The following PRKN variants were observed in gnomAD, a reference collection of about 807,000 sequenced individuals.
PRKN encodes the protein parkin RBR E3 ubiquitin protein ligase.
PRKN carries 56 observed loss-of-function variants against 59.5 expected under a neutral mutation model. That is an observed-to-expected ratio of 0.94 (90% CI 0.76 to 1.18). The LOEUF (loss-of-function observed/expected upper bound fraction) is 1.18. Among genes scored for constraint, PRKN ranks in the 50% most tolerant of loss-of-function variants. The probability of loss-of-function intolerance (pLI) is 0.00; values close to 1 mark genes in which losing one functional copy is unlikely to be tolerated. For missense variants in PRKN, 657 were observed against 596.4 expected (o/e 1.10, Z -1.06); for synonymous variants, 250 against 222.1 (o/e 1.13, Z -1.12).
At chr6:161,680,776 T>TATATATATATA (rs1491495272) in intron 7 of PRKN, among the ~76,000 whole-genome samples, 15 of 18,888 alleles carry the variant, frequency 7.9e-4, no homozygotes, top group Admixed American at 2.2e-3. Flanking sequence ...TATATATATA[T>TATATATATATA]TTTTTTTTTT....
At chr6:161,802,655 A>G (rs910909920) in intron 6 of PRKN, among the ~76,000 whole-genome samples, 2 of 152,162 alleles carry the variant, frequency 1.3e-5, no homozygotes, top group African/African-American at 4.8e-5. Context: ...CTGCTCATGT[A>G]AAACGGTGGT....
At chr6:162,344,381 G>A (rs1784310912) in intron 2 of PRKN, among the ~76,000 whole-genome samples, 1 of 152,052 alleles carries the variant, frequency 6.6e-6, no homozygotes, top group South Asian at 2.1e-4. Flanking sequence ...GTGGTGATTT[G>A]GAGGCATTAT....
Position 162,438,894 on chromosome 6 carries a change from C to T in PRKN, c.171+4416G>A, listed in dbSNP as rs1481724713. ...GAGCATTTGCCCACCATTATCTTCT[C>T]CTTCCAGGAATCCCCTGACACAAAC... On this transcript the variant is annotated intron_variant, in intron 2 of 11. Coordinates refer to ENST00000366898, the MANE Select transcript of PRKN (RefSeq NM_004562.3). Among the ~76,000 whole-genome samples the T allele has an allele frequency of 6.6e-5, 10 of 151,976 alleles. 1 individual carries two copies. The East Asian group carries it at 1.6e-3, about 24-fold the overall frequency.
At chr6:162,003,687 T>C (rs185937733) in intron 5 of PRKN, among the ~76,000 whole-genome samples, 160 of 152,306 alleles carry the variant, frequency 1.1e-3, no homozygotes, top group African/African-American at 3.7e-3. Context: ...ATAACTTGTT[T>C]ATGCATTGAC....
At chr6:161,885,684 G>A (rs9456722) in intron 6 of PRKN, among the ~76,000 whole-genome samples, 1,643 of 103,962 alleles carry the variant, frequency 0.016, 56 homozygotes, top group African/African-American at 0.072. Context: ...AAAAAAAAAA[G>A]AATGTCTGAG....
At chr6:162,449,800 T>C (rs1046152850) in intron 1 of PRKN, among the ~76,000 whole-genome samples, 4 of 152,074 alleles carry the variant, frequency 2.6e-5, no homozygotes, top group Non-Finnish European at 4.4e-5. Flanking sequence ...TCAACCCTCC[T>C]GCAAAAAAAC....
intron 5 of PRKN, among the ~76,000 whole-genome samples, chr6:162,017,293 T>C (rs982872641): frequency 2.0e-5 from 3 of 152,172 alleles, no homozygotes; most frequent in Non-Finnish European, 2.9e-5. Flanking sequence ...TAGCATTAAA[T>C]GTTTGCTAAT....
intron 2 of PRKN, among the ~76,000 whole-genome samples, chr6:162,368,550 C>T (rs796924303): frequency 5.9e-5 from 9 of 152,194 alleles, no homozygotes; most frequent in African/African-American, 2.2e-4. Flanking sequence ...CGAGTCAGCA[C>T]GAATCCCAAA....
chr6:162,081,510 GT>G (rs895064351), intron 4 of PRKN, among the ~76,000 whole-genome samples: 4 of 152,062 alleles, frequency 2.6e-5, no homozygotes, highest in Non-Finnish European at 4.4e-5. Flanking sequence ...TGAAAGGAAT[GT>G]TTTTTCCCGA....
At chr6:161,779,404 CTTTCT>C (rs937571370) in intron 7 of PRKN, among the ~76,000 whole-genome samples, 4 of 125,610 alleles carry the variant, frequency 3.2e-5, no homozygotes, top group African/African-American at 5.8e-5. Flanking sequence ...CTTTCCTTTC[CTTTCT>C]TTTCTTTTTT....
At position 162,525,601 on chromosome 6, in the gene PRKN, C is replaced by G. The variant is rs1007076469; in HGVS notation, c.8-82128G>C. Among the ~76,000 whole-genome samples the G allele has an allele frequency of 2.6e-5, 4 of 152,172 alleles. No individual in the cohort carries two copies. The South Asian group carries it at 8.3e-4, about 31-fold the overall frequency. On this transcript the variant is annotated intron_variant, in intron 1 of 11. Transcript: ENST00000366898. ...CTCCTTAGCACTTATGGCCAATACA[C>G]TATTTAACGACTGTGTGTTCTCTTC...
chr6:162,638,920 AT>A lies in PRKN; in HGVS notation c.7+88741del, dbSNP rs1777857550. 3.3e-5 allele frequency among the ~76,000 whole-genome samples: 5 copies of A among 151,834 alleles called. No homozygotes were observed. The South Asian group carries it at 1.0e-3, about 32-fold the overall frequency. Reference sequence around the variant, plus strand: ...CCACCACACCCAGCTAATTTTTTATATTTTTAGTAGAGACGGGGTTTCACTA... The same window carrying A: ...CCACCACACCCAGCTAATTTTTTATATTTTAGTAGAGACGGGGTTTCACTA... On this transcript the variant is annotated intron_variant, in intron 1 of 11. Coordinates refer to ENST00000366898, the MANE Select transcript of PRKN (RefSeq NM_004562.3).
chr6:161,627,387 G>A (rs534228836), intron 7 of PRKN, among the ~76,000 whole-genome samples: 2 of 152,256 alleles, frequency 1.3e-5, no homozygotes, highest in Non-Finnish European at 2.9e-5. Context: ...CATGGAATAT[G>A]GTACACACAT....
intron 7 of PRKN, among the ~76,000 whole-genome samples, chr6:161,631,985 C>A (rs1783332230): frequency 6.6e-6 from 1 of 152,140 alleles, no homozygotes; most frequent in African/African-American, 2.4e-5. Context: ...TTGTTGAGTT[C>A]TTTTCCCCCC....
intron 2 of PRKN, among the ~76,000 whole-genome samples, chr6:162,364,014 G>A (rs570505348): frequency 3.3e-5 from 5 of 152,136 alleles, no homozygotes; most frequent in African/African-American, 4.8e-5. Flanking sequence ...TTCATTCCCT[G>A]CACACAAGCT....
intron 6 of PRKN, among the ~76,000 whole-genome samples, chr6:161,963,075 G>A (rs1032336381): frequency 2.6e-5 from 4 of 152,092 alleles, no homozygotes; most frequent in South Asian, 2.1e-4. Flanking sequence ...CCCAGGAGGC[G>A]GAAGTTGCAG....
At chr6:161,935,723 C>T (rs1018698510) in intron 6 of PRKN, among the ~76,000 whole-genome samples, 5 of 151,986 alleles carry the variant, frequency 3.3e-5, no homozygotes, top group African/African-American at 1.2e-4. Context: ...AACGACAATG[C>T]CCCAAAGAAA....
chr6:161,694,090 C>A (rs1785916139), intron 7 of PRKN, among the ~76,000 whole-genome samples: 1 of 152,174 alleles, frequency 6.6e-6, no homozygotes, highest in African/African-American at 2.4e-5. Context: ...CCTGCATCAG[C>A]ACGTTGCTGC....
chr6:161,383,118 A>G (rs141180041), intron 10 of PRKN, among the ~76,000 whole-genome samples: 1 of 152,354 alleles, frequency 6.6e-6, no homozygotes, highest in African/African-American at 2.4e-5. Context: ...TGAGATGTGT[A>G]GAGTGTCATC....
Sources: allele counts gnomAD v4.1 joint callset (sites outside exome capture counted in the v4.1 genomes callset), GRCh38; gene constraint gnomAD v4.1.1; transcripts MANE v1.5; gene names NCBI Gene and HGNC (gene_info 2026-07-23, HGNC 2026-07-21).